Variants in TMEM132D observed in about 807,000 individuals in gnomAD.
TMEM132D encodes mature OL transmembrane protein.
A neutral mutation model predicts 62.3 loss-of-function variants in TMEM132D; 21 were observed. That is an observed-to-expected ratio of 0.34 (90% CI 0.24 to 0.49). The LOEUF (loss-of-function observed/expected upper bound fraction) is 0.49, where lower values mean the gene tolerates loss of function less well. Ranked by LOEUF, TMEM132D falls within the 20% of genes least tolerant of loss-of-function variation. TMEM132D has a pLI of 0.99. For synonymous variants in TMEM132D, 621 were observed against 575.6 expected, an observed-to-expected ratio of 1.08 and a Z score of -1.13; for missense variants, 1,346 against 1,402.8, an observed-to-expected ratio of 0.96 and a Z score of 0.65.
chr12:129,596,911 G>T lies in TMEM132D; in HGVS notation c.969-65706C>A, dbSNP rs558511408. ...TGAGCTCCACAGCTAGTCCAAGGCA[G>T]ATGGGAAAATCCTACCTTTAAGGCA... is the stretch of plus-strand genomic sequence containing the variant. On this transcript the variant is annotated intron_variant, in intron 2 of 8. Coordinates refer to ENST00000422113, the MANE Select transcript of TMEM132D (RefSeq NM_133448.3). Among the ~76,000 whole-genome samples the T allele has an allele frequency of 3.3e-4, 51 of 152,244 alleles. 1 individual carries two copies. In the East Asian group the frequency reaches 3.5e-3, roughly 10 times the overall value.
At chr12:129,780,738 G>A (rs1871096161) in intron 1 of TMEM132D, among the ~76,000 whole-genome samples, 1 of 152,126 alleles carries the variant, frequency 6.6e-6, no homozygotes, top group Non-Finnish European at 1.5e-5. Flanking sequence ...ATAAATACCT[G>A]AAAAGGACCT....
intron 2 of TMEM132D, among the ~76,000 whole-genome samples, chr12:129,664,574 G>A (rs11060487): frequency 0.24 from 36,462 of 151,288 alleles, 4,811 homozygotes; most frequent in African/African-American, 0.34. Context: ...ACAGGCACCC[G>A]CCACCACGCC....
chr12:129,589,880 G>T (rs192833822), intron 2 of TMEM132D, among the ~76,000 whole-genome samples: 1 of 152,248 alleles, frequency 6.6e-6, no homozygotes, highest in East Asian at 1.9e-4. Flanking sequence ...CTCCTGGATT[G>T]TTCCCTGGAC....
intron 1 of TMEM132D, among the ~76,000 whole-genome samples, chr12:129,820,194 G>C (rs4759591): frequency 0.98 from 149,770 of 152,268 alleles, 73,673 homozygotes; most frequent in Non-Finnish European, 0.99. Flanking sequence ...GAGTTCTTTT[G>C]AAAGACCATC....
intron 2 of TMEM132D, among the ~76,000 whole-genome samples, chr12:129,616,590 A>T (rs1205326479): frequency 1.3e-5 from 2 of 152,284 alleles, no homozygotes; most frequent in East Asian, 3.9e-4. Context: ...TATTCTTGTG[A>T]TAGTGAGTGA....
intron 3 of TMEM132D, among the ~76,000 whole-genome samples, chr12:129,342,981 C>T (rs1323645574): frequency 2.6e-5 from 4 of 152,106 alleles, no homozygotes; most frequent in Non-Finnish European, 4.4e-5. Flanking sequence ...GTTGGTGGGA[C>T]GGTAAACTAG....
At chr12:129,635,139 C>A (rs906395833) in intron 2 of TMEM132D, among the ~76,000 whole-genome samples, 2 of 152,232 alleles carry the variant, frequency 1.3e-5, no homozygotes, top group African/African-American at 4.8e-5. Flanking sequence ...GTAACAGCCT[C>A]ACCTTCCCTC....
At chr12:129,164,763 G>A (rs1877491153) in intron 5 of TMEM132D, among the ~76,000 whole-genome samples, 1 of 152,120 alleles carries the variant, frequency 6.6e-6, no homozygotes. Context: ...GGGGGAAACT[G>A]CCCCCATAAT....
At chr12:129,342,463 A>G (rs1869527815) in intron 3 of TMEM132D, among the ~76,000 whole-genome samples, 1 of 151,934 alleles carries the variant, frequency 6.6e-6, no homozygotes, top group South Asian at 2.1e-4. Context: ...ACCTAAAACC[A>G]TAAAAACCCT....
At chr12:129,657,090 G>A (rs1459940574) in intron 2 of TMEM132D, among the ~76,000 whole-genome samples, 2 of 152,338 alleles carry the variant, frequency 1.3e-5, no homozygotes, top group East Asian at 3.9e-4. Flanking sequence ...GTAATCCCCA[G>A]CTTAGACTCA....
chr12:129,498,947 C>T (rs1260722757), intron 3 of TMEM132D, among the ~76,000 whole-genome samples: 1 of 152,182 alleles, frequency 6.6e-6, no homozygotes, highest in Admixed American at 6.5e-5. Context: ...CTTCATTTCT[C>T]TCTTTCTCTA....
intron 1 of TMEM132D, among the ~76,000 whole-genome samples, chr12:129,768,577 CTCTT>C (rs958084304): frequency 8.5e-5 from 13 of 152,144 alleles, no homozygotes; most frequent in Non-Finnish European, 1.5e-4. Context: ...TCACCTCTTC[CTCTT>C]TCTTCTGCCT....
intron 1 of TMEM132D, among the ~76,000 whole-genome samples, chr12:129,747,654 CACAG>C (rs1185700171): frequency 1.3e-5 from 2 of 150,894 alleles, no homozygotes; most frequent in African/African-American, 2.4e-5. Flanking sequence ...ATACACCAGA[CACAG>C]ACACACACAT....
chr12:129,447,255 G>A (rs565142275), intron 3 of TMEM132D, among the ~76,000 whole-genome samples: 2 of 152,126 alleles, frequency 1.3e-5, no homozygotes, highest in East Asian at 3.8e-4. Flanking sequence ...TCAGGAAATT[G>A]TCTAGGTCAG....
intron 1 of TMEM132D, among the ~76,000 whole-genome samples, chr12:129,703,585 GA>G (rs1416979284): frequency 1.3e-5 from 2 of 151,802 alleles, no homozygotes; most frequent in Non-Finnish European, 2.9e-5. Flanking sequence ...GTCACTAAAG[GA>G]CATGATTTTT....
At chr12:129,661,128 C>T (rs1248974579) in intron 2 of TMEM132D, among the ~76,000 whole-genome samples, 2 of 152,142 alleles carry the variant, frequency 1.3e-5, no homozygotes, top group South Asian at 2.1e-4. Context: ...GCTGGGCTAA[C>T]GGGACCTCCC....
intron 4 of TMEM132D, among the ~76,000 whole-genome samples, chr12:129,276,726 A>C (rs562571934): frequency 1.3e-5 from 2 of 152,326 alleles, no homozygotes; most frequent in South Asian, 4.1e-4. Flanking sequence ...ATTATTTAAA[A>C]AGTACAATAA....
At chr12:129,081,675 C>A (rs2135615389) in intron 7 of TMEM132D, 84 bp downstream of exon 7, 1 of 1,492,048 alleles carries the variant, frequency 6.7e-7, no homozygotes, top group Non-Finnish European at 8.9e-7. Flanking sequence ...CCAGCAATGA[C>A]AAACAGCTGG....
intron 3 of TMEM132D, among the ~76,000 whole-genome samples, chr12:129,445,515 T>C (rs766091643): frequency 1.3e-5 from 2 of 152,170 alleles, no homozygotes; most frequent in Non-Finnish European, 2.9e-5. Flanking sequence ...CTGGGGACTG[T>C]CTTTTCACTG....
Sources: allele counts gnomAD v4.1 joint callset (sites outside exome capture counted in the v4.1 genomes callset), GRCh38; gene constraint gnomAD v4.1.1; transcripts MANE v1.5; gene names NCBI Gene and HGNC (gene_info 2026-07-23, HGNC 2026-07-21).